The following SDK1 variants were observed in gnomAD, a reference collection of about 807,000 sequenced individuals.
The protein encoded by SDK1 is sidekick cell adhesion molecule 1.
SDK1 carries 157 observed loss-of-function variants against 245.5 expected under a neutral mutation model. The observed-to-expected ratio is 0.64, with a 90% CI of 0.56 to 0.73. The LOEUF is 0.73. Ranked by LOEUF, SDK1 falls within the 30% of genes least tolerant of loss-of-function variation. The pLI, the probability that SDK1 is intolerant of heterozygous loss-of-function variation, is 0.00. For synonymous variants in SDK1, 1,647 were observed against 1,278.5 expected, an observed-to-expected ratio of 1.29 and a Z score of -6.15; for missense variants, 3,583 against 3,002.3, an observed-to-expected ratio of 1.19 and a Z score of -4.52.
intron 1 of SDK1, among the ~76,000 whole-genome samples, chr7:3,532,403 C>T (rs1348493531): frequency 6.6e-6 from 1 of 152,146 alleles, no homozygotes; most frequent in Non-Finnish European, 1.5e-5. Flanking sequence ...TGGCGCTTTG[C>T]TCTGGAAGGC....
At chr7:4,228,643 G>A (rs576884432) in intron 40 of SDK1, among the ~76,000 whole-genome samples, 32 of 152,268 alleles carry the variant, frequency 2.1e-4, no homozygotes, top group Middle Eastern at 3.4e-3. Context: ...GGGATCAAGC[G>A]ATTCTCCTGC....
intron 1 of SDK1, among the ~76,000 whole-genome samples, chr7:3,374,220 G>C (rs1206151042): frequency 2.6e-5 from 4 of 152,278 alleles, no homozygotes; most frequent in Admixed American, 6.5e-5. Flanking sequence ...GTTGCCTAAA[G>C]TGGCTCACTC....
chr7:3,567,238 T>G (rs1779950964), intron 1 of SDK1, among the ~76,000 whole-genome samples: 1 of 152,200 alleles, frequency 6.6e-6, no homozygotes, highest in Non-Finnish European at 1.5e-5. Context: ...TTATTAGCTT[T>G]GCAACCTCGA....
chr7:3,583,583 C>T (rs535327712), intron 1 of SDK1, among the ~76,000 whole-genome samples: 5 of 152,148 alleles, frequency 3.3e-5, no homozygotes, highest in Middle Eastern at 3.4e-3. Flanking sequence ...AGTACAAAAC[C>T]CTCTACTTGG....
At position 4,158,428 on chromosome 7, in the gene SDK1, C is replaced by A; in HGVS notation, c.4626-20C>A. The A allele has an allele frequency of 6.3e-7, 1 of 1,599,044 alleles. No individual in the cohort carries two copies. Among genetic ancestry groups the A allele is most frequent in the Non-Finnish European group, 8.6e-7 (1 of 1,167,844 alleles). ...CAGGGTGGCAGGGCCCCGGCAGTCA[C>A]GGTCTCTTCCACATTGCAGACTGAG... On this transcript the variant is annotated intron_variant, in intron 30 of 44. Transcript: ENST00000404826.
chr7:3,774,461 G>A (rs1185456462), intron 4 of SDK1, among the ~76,000 whole-genome samples: 1 of 152,198 alleles, frequency 6.6e-6, no homozygotes, highest in Non-Finnish European at 1.5e-5. Flanking sequence ...AGGAACATGT[G>A]CACAGCTGCC....
chr7:4,201,797 C>G (rs899801617), intron 35 of SDK1, among the ~76,000 whole-genome samples: 4 of 151,772 alleles, frequency 2.6e-5, no homozygotes, highest in Admixed American at 6.6e-5. Flanking sequence ...TGGCATGGCA[C>G]AGGGAGGCTT....
rs1487757682 is a variant in SDK1, at chr7:3,821,560, C to T, written c.824C>T (p.Pro275Leu). The change falls in exon 5 of 45, where the codon CCA (proline) becomes CTA (leucine). Residue 275 changes from proline (P) to leucine (L), a missense_variant. By Grantham distance (98) the Pro-to-Leu change is moderately conservative (BLOSUM62 -3). Transcript: ENST00000404826. ...AAAAATGGAGAAAACAAGACAAGCC[C>T]ATTCATTCATTTGAGCATAGCAAGT... ...NEKNGENKTS[P>L]FIHLSIARDV... is the part of the protein sequence containing the mutation. The T allele has an allele frequency of 5.0e-6, 8 of 1,613,506 alleles. No individual in the cohort carries two copies. Among genetic ancestry groups the T allele is most frequent in the African/African-American group, 4.0e-5 (3 of 74,870 alleles).
At chr7:3,642,164 A>C (rs939704733) in intron 4 of SDK1, 59 bp downstream of exon 4, 17 of 1,529,794 alleles carry the variant, frequency 1.1e-5, no homozygotes, top group Non-Finnish European at 1.5e-5. Context: ...TGCTGGCACC[A>C]TCTACACAGT....
intron 1 of SDK1, among the ~76,000 whole-genome samples, chr7:3,491,925 GT>G (rs1399453037): frequency 6.6e-6 from 1 of 152,150 alleles, no homozygotes; most frequent in Admixed American, 6.5e-5. Flanking sequence ...GATGACCACT[GT>G]TTAGCTGATA....
chr7:3,362,844 T>C (rs1780990173), intron 1 of SDK1, among the ~76,000 whole-genome samples: 1 of 152,230 alleles, frequency 6.6e-6, no homozygotes, highest in Admixed American at 6.5e-5. Flanking sequence ...TGAGAAAACC[T>C]TGGATAATTT....
At chr7:3,604,659 A>AGCC (rs1781365506) in intron 1 of SDK1, among the ~76,000 whole-genome samples, 1 of 138,932 alleles carries the variant, frequency 7.2e-6, no homozygotes, top group African/African-American at 2.7e-5. Flanking sequence ...CTGGAGTGCA[A>AGCC]TGGTGTGATC....
At chr7:3,873,340 T>C (rs1411597523) in intron 5 of SDK1, among the ~76,000 whole-genome samples, 1 of 152,154 alleles carries the variant, frequency 6.6e-6, no homozygotes, top group African/African-American at 2.4e-5. Context: ...GCAATATGTC[T>C]TTTTTTCCTC....
intron 5 of SDK1, among the ~76,000 whole-genome samples, chr7:3,857,118 G>C (rs575274174): frequency 6.6e-6 from 1 of 152,230 alleles, no homozygotes; most frequent in African/African-American, 2.4e-5. Flanking sequence ...CCTGGGTATA[G>C]AGGGAAAACT....
At chr7:3,620,097 T>C (rs1781889666) in intron 2 of SDK1, among the ~76,000 whole-genome samples, 1 of 151,838 alleles carries the variant, frequency 6.6e-6, no homozygotes, top group African/African-American at 2.4e-5. Context: ...TAAGAAAGAG[T>C]GGGCTGTATA....
At chr7:3,649,370 A>AAG (rs1782939502) in intron 4 of SDK1, among the ~76,000 whole-genome samples, 1 of 151,910 alleles carries the variant, frequency 6.6e-6, no homozygotes, top group Non-Finnish European at 1.5e-5. Context: ...GCACAGAAGA[A>AAG]ATTGCCATCC....
intron 17 of SDK1, among the ~76,000 whole-genome samples, chr7:4,037,217 C>T (rs772626548): frequency 6.6e-5 from 10 of 152,192 alleles, no homozygotes; most frequent in African/African-American, 9.7e-5. Context: ...TGACCAAAGA[C>T]GAACTTCATC....
intron 4 of SDK1, among the ~76,000 whole-genome samples, chr7:3,817,376 G>C (rs955619316): frequency 7.2e-5 from 11 of 152,212 alleles, no homozygotes; most frequent in Non-Finnish European, 1.6e-4. Context: ...GTTCAGGTTA[G>C]TGTCTCCTCC....
chr7:3,975,230 T>C (rs928470735), intron 13 of SDK1, among the ~76,000 whole-genome samples: 1 of 152,214 alleles, frequency 6.6e-6, no homozygotes, highest in Non-Finnish European at 1.5e-5. Context: ...TTTATTTGCT[T>C]TTTAAAAGTT....
Sources: gnomAD v4.1 joint callset for allele counts (sites outside exome capture counted in the v4.1 genomes callset) on GRCh38, gnomAD v4.1.1 for gene constraint, MANE v1.5 for transcripts, NCBI Gene and HGNC (gene_info 2026-07-23, HGNC 2026-07-21) for gene names.